The following IL15 variants were observed in gnomAD, a reference collection of about 807,000 sequenced individuals.
IL15 encodes the protein interleukin 15, also known as interleukin-15.
IL15 carries 11 observed loss-of-function variants against 19.6 expected under a neutral mutation model. The observed-to-expected ratio is 0.56, with a 90% CI of 0.35 to 0.93. The LOEUF (loss-of-function observed/expected upper bound fraction) is 0.93, where lower values mean the gene tolerates loss of function less well. Ranked by LOEUF, IL15 falls within the 40% of genes least tolerant of loss-of-function variation. IL15 has a pLI of 0.01. For missense variants in IL15, 197 were observed against 186.5 expected (o/e 1.06, Z -0.33); for synonymous variants, 58 against 59.6 (o/e 0.97, Z 0.12).
In IL15 at chr4:141,698,346, C is replaced by T. The variant is rs565626660; in HGVS notation, c.-99-21020C>T. Among the ~76,000 whole-genome samples the T allele has an allele frequency of 1.1e-4, 16 of 151,918 alleles. No individual in the cohort carries two copies. The South Asian group carries it at 1.2e-3, about 12-fold the overall frequency. On this transcript the variant is annotated intron_variant, in intron 2 of 7. Coordinates refer to ENST00000320650, the MANE Select transcript of IL15 (RefSeq NM_000585.5). ...GGTTTTGGTATTAGGGTGATACTGG[C>T]GTTATAGAATGATTTAGGGAGGATT...
At position 141,721,873 on chromosome 4, in the gene IL15, C is replaced by T. The variant is rs573999959; in HGVS notation, c.111-51C>T. 915 of 1,462,474 alleles carry T rather than the reference C, an allele frequency of 6.3e-4. 21 individuals are homozygous for T. In the South Asian group the frequency reaches 0.011, roughly 18 times the overall value. 90.6% of individuals were successfully genotyped at this position (1,462,474 alleles called of 1,614,324 possible). On this transcript the variant is annotated intron_variant, in intron 4 of 7. Coordinates refer to ENST00000320650, the MANE Select transcript of IL15 (RefSeq NM_000585.5). ...TTGCTCTTTTGCTTATAGTATTCATCAAGATGAATAGGCTCCTTCAAAATG... is the reference window on the plus strand; with the variant it reads ...TTGCTCTTTTGCTTATAGTATTCATTAAGATGAATAGGCTCCTTCAAAATG...
At chr4:141,694,922 A>G (rs1305572194) in intron 2 of IL15, among the ~76,000 whole-genome samples, 2 of 152,152 alleles carry the variant, frequency 1.3e-5, no homozygotes, top group African/African-American at 4.8e-5. Context: ...CAAATGTAAT[A>G]TCTAATTAAT....
At chr4:141,651,291 G>A (rs936652037) in intron 1 of IL15, among the ~76,000 whole-genome samples, 2 of 151,896 alleles carry the variant, frequency 1.3e-5, no homozygotes, top group Non-Finnish European at 2.9e-5. Flanking sequence ...CAACATGACG[G>A]AATTGGAGGC....
intron 2 of IL15, among the ~76,000 whole-genome samples, chr4:141,711,688 T>C (rs1202066622): frequency 6.6e-6 from 1 of 152,160 alleles, no homozygotes; most frequent in Non-Finnish European, 1.5e-5. Context: ...AATATAAATG[T>C]TACTAATTCT....
intron 4 of IL15, chr4:141,721,543 T>C (rs1560937464): frequency 3.8e-6 from 2 of 525,134 alleles, no homozygotes; most frequent in Admixed American, 2.3e-5. Flanking sequence ...TACCTATTTA[T>C]TAGACTTCAA....
intron 5 of IL15, among the ~76,000 whole-genome samples, chr4:141,723,469 C>T (rs1730159849): frequency 6.6e-6 from 1 of 152,116 alleles, no homozygotes; most frequent in Admixed American, 6.6e-5. Context: ...CCAGGATCCA[C>T]CAGAACCTTG....
chr4:141,721,219 C>T (rs1304902105), intron 4 of IL15: 3 of 807,028 alleles, frequency 3.7e-6, no homozygotes, highest in Non-Finnish European at 6.4e-6. Flanking sequence ...GACTATCATG[C>T]TTCTGTGTAA....
At chr4:141,661,161 G>A (rs545225807) in intron 2 of IL15, among the ~76,000 whole-genome samples, 1 of 152,208 alleles carries the variant, frequency 6.6e-6, no homozygotes, top group South Asian at 2.1e-4. Context: ...ACTGTAGATA[G>A]GCAAAAGCAA....
chr4:141,665,910 T>C (rs1727955465), intron 2 of IL15, among the ~76,000 whole-genome samples: 1 of 152,018 alleles, frequency 6.6e-6, no homozygotes, highest in Non-Finnish European at 1.5e-5. Context: ...AATAAGTATA[T>C]GTCTTTTGTT....
chr4:141,724,682 A>G (rs539279490), intron 5 of IL15, among the ~76,000 whole-genome samples: 5 of 152,216 alleles, frequency 3.3e-5, no homozygotes, highest in Admixed American at 3.3e-4. Context: ...TTTTATGCTC[A>G]CAAATCTGAT....
At chr4:141,650,569 T>C (rs773359639) in intron 1 of IL15, among the ~76,000 whole-genome samples, 3 of 152,048 alleles carry the variant, frequency 2.0e-5, no homozygotes, top group Non-Finnish European at 4.4e-5. Flanking sequence ...CCAAAACACA[T>C]TGCTAAATTT....
chr4:141,709,384 C>A (rs1271798905), intron 2 of IL15, among the ~76,000 whole-genome samples: 1 of 152,062 alleles, frequency 6.6e-6, no homozygotes, highest in Non-Finnish European at 1.5e-5. Flanking sequence ...AAAGGTTGTT[C>A]ATTGTGTTTT....
intron 2 of IL15, among the ~76,000 whole-genome samples, chr4:141,669,647 A>G (rs554969208): frequency 7.8e-4 from 119 of 152,310 alleles, no homozygotes; most frequent in Non-Finnish European, 1.2e-3. Flanking sequence ...GTTTGAGGCA[A>G]TAATAGGCTA....
At chr4:141,670,492 A>T (rs1560910703) in intron 2 of IL15, among the ~76,000 whole-genome samples, 1 of 152,214 alleles carries the variant, frequency 6.6e-6, no homozygotes, top group African/African-American at 2.4e-5. Flanking sequence ...CTCTTAAACT[A>T]ACCATAATTA....
At chr4:141,651,524 T>C (rs1303756005) in intron 1 of IL15, among the ~76,000 whole-genome samples, 1 of 152,110 alleles carries the variant, frequency 6.6e-6, no homozygotes, top group East Asian at 1.9e-4. Context: ...GCCCAGACTT[T>C]ACCTCTATGC....
chr4:141,659,004 C>T (rs906021834), intron 2 of IL15, among the ~76,000 whole-genome samples: 9 of 151,708 alleles, frequency 5.9e-5, no homozygotes, highest in South Asian at 4.2e-4. Flanking sequence ...GGACTACAGG[C>T]GCCTGCCACC....
chr4:141,689,233 G>A (rs1428711757), intron 2 of IL15, among the ~76,000 whole-genome samples: 1 of 152,166 alleles, frequency 6.6e-6, no homozygotes, highest in Non-Finnish European at 1.5e-5. Context: ...TCCACAGTGT[G>A]GAAGGGGACC....
At chr4:141,637,521 A>T (rs1726900303) in intron 1 of IL15, among the ~76,000 whole-genome samples, 1 of 152,120 alleles carries the variant, frequency 6.6e-6, no homozygotes, top group African/African-American at 2.4e-5. Flanking sequence ...CTGAAATAAA[A>T]TCATTATTCA....
intron 2 of IL15, among the ~76,000 whole-genome samples, chr4:141,659,014 C>T (rs1000487916): frequency 9.2e-5 from 14 of 151,818 alleles, no homozygotes; most frequent in East Asian, 1.9e-4. Context: ...CGCCTGCCAC[C>T]GCGCCTGGCT....
Sources: allele counts gnomAD v4.1 joint callset (sites outside exome capture counted in the v4.1 genomes callset), GRCh38; gene constraint gnomAD v4.1.1; transcripts MANE v1.5; gene names NCBI Gene and HGNC (gene_info 2026-07-23, HGNC 2026-07-21).